The following MCFD2 variants were observed in gnomAD, a reference collection of about 807,000 sequenced individuals.
MCFD2 encodes the protein multiple coagulation factor deficiency protein 2.
In MCFD2, 11 loss-of-function variants were observed where a neutral mutation model predicts 12.8. The observed-to-expected ratio is 0.86, with a 90% CI of 0.54 to 1.42. MCFD2 has a LOEUF of 1.42. Ranked by LOEUF, MCFD2 falls within the 40% of genes most tolerant of loss-of-function variation. The pLI, the probability that MCFD2 is intolerant of heterozygous loss-of-function variation, is 0.00. For synonymous variants in MCFD2, 70 were observed against 68.1 expected, an observed-to-expected ratio of 1.03 and a Z score of -0.14; for missense variants, 191 against 178.6, an observed-to-expected ratio of 1.07 and a Z score of -0.40.
intron 1 of MCFD2, among the ~76,000 whole-genome samples, chr2:46,926,008 C>T (rs778774635): frequency 4.6e-5 from 7 of 152,156 alleles, no homozygotes; most frequent in East Asian, 1.9e-4. Flanking sequence ...TGGGTTTGTC[C>T]GGTAATATCT....
intron 1 of MCFD2, among the ~76,000 whole-genome samples, chr2:46,909,861 G>A (rs1668411987): frequency 6.6e-6 from 1 of 152,194 alleles, no homozygotes; most frequent in Non-Finnish European, 1.5e-5. Context: ...AGAAAGACAG[G>A]AGAGTCACTT....
chr2:46,920,205 G>A (rs573455272), upstream of MCFD2, among the ~76,000 whole-genome samples: 209 of 152,264 alleles, frequency 1.4e-3, no homozygotes, highest in Middle Eastern at 3.4e-3. Flanking sequence ...AATACATAAT[G>A]TATGTATTAA....
At chr2:46,923,658 G>A (rs1043442075) in intron 1 of MCFD2, among the ~76,000 whole-genome samples, 3 of 152,140 alleles carry the variant, frequency 2.0e-5, no homozygotes, top group South Asian at 2.1e-4. Flanking sequence ...TTGGGAGGCC[G>A]AGACAGGAGA....
At chr2:46,931,333 G>A (rs767158572) in intron 1 of MCFD2, among the ~76,000 whole-genome samples, 8 of 152,196 alleles carry the variant, frequency 5.3e-5, no homozygotes, top group Non-Finnish European at 1.2e-4. Flanking sequence ...CAATCCTCTC[G>A]CCTCAGCTTC....
intron 1 of MCFD2, among the ~76,000 whole-genome samples, chr2:46,927,561 C>T (rs1166690667): frequency 6.6e-6 from 1 of 151,636 alleles, no homozygotes; most frequent in East Asian, 1.9e-4. Flanking sequence ...AGGGTTTCAC[C>T]GTGTTAGCCA....
intron 1 of MCFD2, among the ~76,000 whole-genome samples, chr2:46,933,987 G>A (rs1033915796): frequency 2.0e-5 from 3 of 152,088 alleles, no homozygotes; most frequent in Admixed American, 6.6e-5. Context: ...TGATGGCTGG[G>A]AGCACTTGGT....
At chr2:46,929,101 T>A (rs1256480230) in intron 1 of MCFD2, among the ~76,000 whole-genome samples, 1 of 152,060 alleles carries the variant, frequency 6.6e-6, no homozygotes. Context: ...AGGTGGAGGT[T>A]GGAGTGAGCC....
intron 1 of MCFD2, among the ~76,000 whole-genome samples, chr2:46,932,823 C>T (rs1250952650): frequency 6.6e-6 from 1 of 150,620 alleles, no homozygotes; most frequent in Non-Finnish European, 1.5e-5. Context: ...ATCGCTTGAA[C>T]CCAGGAGGCA....
Position 46,908,657 on chromosome 2 carries a change from T to A in MCFD2, c.149+366A>T. 3.0e-6 allele frequency: 1 copy of A among 336,820 alleles called. No individual in the cohort carries two copies. The highest frequency in any genetic ancestry group is 5.7e-6 in the Non-Finnish European group (1 of 175,742). 20.9% of individuals were successfully genotyped at this position (336,820 alleles called of 1,614,324 possible). A position where few individuals can be genotyped will look rare whatever the true frequency, so the allele number is the denominator to read the frequency against. ...GATTCAATGTTTGAATGTGTTGATTTAAAAAAGGTCTTGTTATAGTCAAGA... is the reference window on the plus strand; with the variant it reads ...GATTCAATGTTTGAATGTGTTGATTAAAAAAAGGTCTTGTTATAGTCAAGA... On this transcript the variant is annotated intron_variant, in intron 2 of 3. Transcript: ENST00000319466. This position sits in a 1 kb window ranked among gnomAD's most constrained non-coding sequence, Gnocchi z 4.5.
At position 46,941,828 on chromosome 2, in the gene MCFD2, G is replaced by C. The variant is rs1670429608; in HGVS notation, c.-264C>G. 8.3e-6 allele frequency: 12 copies of C among 1,440,340 alleles called. No individual in the cohort carries two copies. Among genetic ancestry groups the C allele is most frequent in the Middle Eastern group, 2.4e-4 (1 of 4,110 alleles). The allele number at this position is 1,440,340 out of a possible 1,614,324, so 89.2% of individuals were successfully genotyped here. On this transcript the variant is annotated 5_prime_UTR_variant, in exon 1 of 3. Transcript: ENST00000409147. The surrounding 1 kb of genome is among the most constrained non-coding windows in gnomAD (Gnocchi z 4.2). Reference sequence around the variant, plus strand: ...AGTCCTCGGCCGACAGCGGGCGCCTGCCAGCCCACCGTGCTAGTCTTAAGA... The same window carrying C: ...AGTCCTCGGCCGACAGCGGGCGCCTCCCAGCCCACCGTGCTAGTCTTAAGA...
intron 1 of MCFD2, among the ~76,000 whole-genome samples, 190 bp downstream of exon 1, chr2:46,915,533 C>G (rs375051632): frequency 1.3e-5 from 2 of 152,306 alleles, no homozygotes; most frequent in East Asian, 3.9e-4. Flanking sequence ...CTCCAGAGCC[C>G]CCGGTGGGGC....
At chr2:46,929,937 A>G (rs556363960) in intron 1 of MCFD2, among the ~76,000 whole-genome samples, 13 of 152,338 alleles carry the variant, frequency 8.5e-5, no homozygotes, top group African/African-American at 3.1e-4. Flanking sequence ...TCAATGTTTT[A>G]GACAGTGGCT....
chr2:46,905,771 G>A, intron 3 of MCFD2, 177 bp from the exon 4 acceptor site: 1 of 664,120 alleles, frequency 1.5e-6, no homozygotes, highest in East Asian at 2.8e-5. Flanking sequence ...ACTTTCAATG[G>A]AGTATGGGGC....
At chr2:46,939,845 CAGG>C (rs530803414) in intron 1 of MCFD2, among the ~76,000 whole-genome samples, 11 of 152,176 alleles carry the variant, frequency 7.2e-5, no homozygotes, top group Non-Finnish European at 1.3e-4. Flanking sequence ...TGGAGTAAGC[CAGG>C]AGTTTACAGA....
At chr2:46,934,943 G>A (rs1354020972) in intron 1 of MCFD2, among the ~76,000 whole-genome samples, 1 of 151,708 alleles carries the variant, frequency 6.6e-6, no homozygotes, top group East Asian at 1.9e-4. Flanking sequence ...TGGAACTACA[G>A]GCGCGCACCA....
chr2:46,927,417 C>T (rs1003718285), intron 1 of MCFD2, among the ~76,000 whole-genome samples: 11 of 143,354 alleles, frequency 7.7e-5, no homozygotes, highest in African/African-American at 2.6e-4. Flanking sequence ...AGTGCAGTGG[C>T]GTGATCTCGG....
In MCFD2 at chr2:46,907,986, A is replaced by T. The variant is rs774713036; in HGVS notation, c.150-17T>A. ...ATGATATGCCTAAAAATCAACAGTC[A>T]GGTTCAGGCCAATTGACAGATACTG... is the stretch of plus-strand genomic sequence containing the variant. On this transcript the variant is annotated splice_polypyrimidine_tract_variant and intron_variant, in intron 2 of 3. Coordinates refer to ENST00000319466, the MANE Select transcript of MCFD2 (RefSeq NM_139279.6). This position sits in a 1 kb window ranked among gnomAD's most constrained non-coding sequence, Gnocchi z 4.1. The T allele has an allele frequency of 1.2e-5, 20 of 1,613,936 alleles. No individual in the cohort carries two copies. In the South Asian group the frequency reaches 2.2e-4, roughly 18 times the overall value.
In MCFD2 at chr2:46,907,582, G is replaced by T. The variant is rs188023613; in HGVS notation, c.309+228C>A. ...TAATTTTTGTTTTGTTTGTTTTGTA[G>T]AGACAGGGTCTCACTATATTGCCAA... On this transcript the variant is annotated intron_variant, in intron 3 of 3. Coordinates refer to ENST00000319466, the MANE Select transcript of MCFD2 (RefSeq NM_139279.6). This position sits in a 1 kb window ranked among gnomAD's most constrained non-coding sequence, Gnocchi z 4.1. 1.8e-6 allele frequency: 1 copy of T among 556,534 alleles called. No individual in the cohort carries two copies. The highest frequency in any genetic ancestry group is 1.9e-5 in the African/African-American group (1 of 52,876). 34.5% of individuals were successfully genotyped at this position (556,534 alleles called of 1,614,324 possible). A position where few individuals can be genotyped will look rare whatever the true frequency, so the allele number is the denominator to read the frequency against.
upstream of MCFD2, among the ~76,000 whole-genome samples, chr2:46,920,235 T>C (rs1446499): frequency 0.12 from 18,263 of 152,184 alleles, 2,188 homozygotes; most frequent in African/African-American, 0.31. Context: ...ATTAGCATTC[T>C]TTAGTATCCC....
Sources: allele counts gnomAD v4.1 joint callset (sites outside exome capture counted in the v4.1 genomes callset), GRCh38; gene constraint gnomAD v4.1.1; non-coding constraint Gnocchi (gnomAD v3.1); transcripts MANE v1.5; gene names NCBI Gene and HGNC (gene_info 2026-07-23, HGNC 2026-07-21).